The following CDK19 variants were observed in gnomAD, a reference collection of about 807,000 sequenced individuals.
CDK19 encodes cyclin-dependent kinase 19.
CDK19 carries 20 observed loss-of-function variants against 68.3 expected under a neutral mutation model. That is an observed-to-expected ratio of 0.29 (90% CI 0.21 to 0.43). The LOEUF (loss-of-function observed/expected upper bound fraction) is 0.43. Among genes scored for constraint, CDK19 ranks in the 20% least tolerant of loss-of-function variants. CDK19 has a pLI of 1.00. For missense variants in CDK19, 339 were observed against 623.5 expected (o/e 0.54, Z 4.86); for synonymous variants, 221 against 222.8 (o/e 0.99, Z 0.07).
At position 110,732,103 on chromosome 6, in the gene CDK19, G is replaced by A. The variant is rs977615827; in HGVS notation, c.204+14023C>T. On this transcript the variant is annotated intron_variant, in intron 2 of 12. Coordinates refer to ENST00000368911, the MANE Select transcript of CDK19 (RefSeq NM_015076.5). ...TTGGCTCTTTTGCTCAGTAAACTGC[G>A]CCATCTAGCTAACAGAGAAATCATC... Among the ~76,000 whole-genome samples the A allele has an allele frequency of 2.7e-5, 4 of 147,054 alleles. No individual in the cohort carries two copies. In the South Asian group the frequency reaches 6.7e-4, roughly 25 times the overall value.
At chr6:110,623,168 T>C in intron 9 of CDK19, 122 bp downstream of exon 9, 2 of 801,160 alleles carry the variant, frequency 2.5e-6, no homozygotes, top group South Asian at 3.5e-5. Context: ...ACAAAAAAAA[T>C]ATTTAATTTT....
intron 4 of CDK19, among the ~76,000 whole-genome samples, chr6:110,641,871 T>C (rs970850046): frequency 6.6e-6 from 1 of 152,158 alleles, no homozygotes; most frequent in African/African-American, 2.4e-5. Context: ...TTCAGGCTCA[T>C]GGAACCCTAC....
rs1355525323 is a variant in CDK19 at position 110,623,369 on chromosome 6, G to A, written c.861-7C>T. The A allele has an allele frequency of 4.3e-6, 7 of 1,612,830 alleles. No individual in the cohort carries two copies. The highest frequency in any genetic ancestry group is 5.9e-6 in the Non-Finnish European group (7 of 1,179,284). Reference sequence around the variant, plus strand: ...GAGGCTACTGTTGGCATACCTGCAAGGACACGCACAGTCACACATCACTGG... The same window carrying A: ...GAGGCTACTGTTGGCATACCTGCAAAGACACGCACAGTCACACATCACTGG... On this transcript the variant is annotated splice_region_variant and splice_polypyrimidine_tract_variant and intron_variant, in intron 8 of 12. Coordinates refer to ENST00000368911, the MANE Select transcript of CDK19 (RefSeq NM_015076.5).
intron 2 of CDK19, among the ~76,000 whole-genome samples, chr6:110,687,578 TGGGTAC>T (rs1772598211): frequency 6.6e-6 from 1 of 152,178 alleles, no homozygotes; most frequent in African/African-American, 2.4e-5. Flanking sequence ...CTAAGAAAAC[TGGGTAC>T]GTGTTATGAG....
chr6:110,698,725 C>T (rs1015451015), intron 2 of CDK19, among the ~76,000 whole-genome samples: 3 of 152,082 alleles, frequency 2.0e-5, no homozygotes, highest in African/African-American at 7.2e-5. Context: ...CAGCACAATC[C>T]ACAACTGCAA....
chr6:110,749,264 C>T (rs80110787), intron 1 of CDK19, among the ~76,000 whole-genome samples: 7,232 of 152,272 alleles, frequency 0.047, 183 homozygotes, highest in Middle Eastern at 0.078. Context: ...GAAAACTTCA[C>T]TCTCAGCAGT....
chr6:110,621,497 T>C lies in CDK19; in HGVS notation c.1111-127A>G. 2.2e-6 allele frequency: 2 copies of C among 894,404 alleles called. No homozygotes were observed. The highest frequency in any genetic ancestry group is 2.5e-5 in the East Asian group (1 of 40,258). 55.4% of individuals were successfully genotyped at this position (894,404 alleles called of 1,614,324 possible). A position where few individuals can be genotyped will look rare whatever the true frequency, so the allele number is the denominator to read the frequency against. On this transcript the variant is annotated intron_variant, in intron 11 of 12. Transcript: ENST00000368911. The surrounding 1 kb of genome is among the most constrained non-coding windows in gnomAD (Gnocchi z 5.4). Reference sequence around the variant, plus strand: ...CAATCTATGTGGGACACTAGAGTGATGGGGAGGACTGGAGAATGGAGCAGC... The same window carrying C: ...CAATCTATGTGGGACACTAGAGTGACGGGGAGGACTGGAGAATGGAGCAGC...
intron 2 of CDK19, among the ~76,000 whole-genome samples, chr6:110,701,647 C>A (rs1233842046): frequency 6.6e-6 from 1 of 151,554 alleles, no homozygotes; most frequent in Non-Finnish European, 1.5e-5. Flanking sequence ...TTAAAATAGT[C>A]AAAAATTATC....
intron 1 of CDK19, among the ~76,000 whole-genome samples, chr6:110,792,928 C>T (rs1003666078): frequency 2.6e-5 from 4 of 152,104 alleles, no homozygotes; most frequent in African/African-American, 7.2e-5. Context: ...AATTACTCCT[C>T]GCAACAATCA....
intron 2 of CDK19, among the ~76,000 whole-genome samples, chr6:110,742,773 C>T (rs537184738): frequency 1.2e-3 from 179 of 152,174 alleles, no homozygotes; most frequent in South Asian, 8.1e-3. Context: ...TTGGTTAGAC[C>T]GGATCTCTGC....
intron 2 of CDK19, among the ~76,000 whole-genome samples, chr6:110,696,570 T>C (rs908028599): frequency 1.1e-4 from 16 of 152,172 alleles, no homozygotes; most frequent in African/African-American, 3.9e-4. Flanking sequence ...CGCTGCTTGC[T>C]GATATGATTG....
intron 1 of CDK19, among the ~76,000 whole-genome samples, chr6:110,784,472 G>C (rs963411312): frequency 2.6e-5 from 4 of 152,254 alleles, no homozygotes; most frequent in African/African-American, 9.6e-5. Flanking sequence ...AAATCAGAAA[G>C]ATAGACAATA....
intron 1 of CDK19, among the ~76,000 whole-genome samples, chr6:110,775,006 G>C (rs1780294878): frequency 6.6e-6 from 1 of 152,010 alleles, no homozygotes; most frequent in Non-Finnish European, 1.5e-5. Flanking sequence ...CCAGCACTTT[G>C]GGAGGCCGAG....
intron 1 of CDK19, among the ~76,000 whole-genome samples, chr6:110,792,423 A>G (rs1436164119): frequency 6.7e-6 from 1 of 149,232 alleles, no homozygotes; most frequent in Non-Finnish European, 1.5e-5. Context: ...TTGCTCTGTC[A>G]CCCAGGCTGG....
chr6:110,648,558 T>TTTTTTG (rs1780762751), intron 4 of CDK19, among the ~76,000 whole-genome samples: 1 of 146,794 alleles, frequency 6.8e-6, no homozygotes, highest in South Asian at 2.2e-4. Flanking sequence ...TTTTTTTTTT[T>TTTTTTG]GAGAAGGAGT....
intron 2 of CDK19, among the ~76,000 whole-genome samples, chr6:110,673,703 A>C (rs1195997590): frequency 6.6e-6 from 1 of 152,192 alleles, no homozygotes; most frequent in Non-Finnish European, 1.5e-5. Flanking sequence ...TCAGGTGAGA[A>C]GTGATTTGGT....
chr6:110,637,909 G>A (rs1779886439), intron 5 of CDK19, among the ~76,000 whole-genome samples: 1 of 152,224 alleles, frequency 6.6e-6, no homozygotes, highest in African/African-American at 2.4e-5. Flanking sequence ...CTTGAACCCA[G>A]GAGGCGGAGG....
intron 2 of CDK19, among the ~76,000 whole-genome samples, chr6:110,735,695 G>A (rs1257461962): frequency 6.6e-6 from 1 of 152,164 alleles, no homozygotes; most frequent in African/African-American, 2.4e-5. Context: ...AGAATAAGTA[G>A]CCTGAAGAAC....
chr6:110,627,306 G>A (rs1779150142), intron 6 of CDK19, among the ~76,000 whole-genome samples, 161 bp from the exon 7 acceptor site: 1 of 151,936 alleles, frequency 6.6e-6, no homozygotes, highest in Admixed American at 6.6e-5. Context: ...TGACATATGT[G>A]TGGGTATGTG....
Sources: gnomAD v4.1 joint callset for allele counts (sites outside exome capture counted in the v4.1 genomes callset) on GRCh38, gnomAD v4.1.1 for gene constraint, Gnocchi (gnomAD v3.1) non-coding constraint, MANE v1.5 for transcripts, NCBI Gene and HGNC (gene_info 2026-07-23, HGNC 2026-07-21) for gene names.